Variants in BCAS3 observed in about 807,000 individuals in gnomAD.
The protein encoded by BCAS3 is BCAS3 microtubule associated cell migration factor.
In BCAS3, 53 loss-of-function variants were observed where a neutral mutation model predicts 116.1. The ratio of observed to expected loss-of-function variants is 0.46; its 90% CI spans 0.37 to 0.57. The LOEUF (loss-of-function observed/expected upper bound fraction) is 0.57, where lower values mean the gene tolerates loss of function less well. BCAS3 is among the 20% of genes least tolerant of loss of function. BCAS3 has a pLI of 0.00. For missense variants in BCAS3, 917 were observed against 1,165.4 expected (o/e 0.79, Z 3.10); for synonymous variants, 391 against 408.2 (o/e 0.96, Z 0.51).
rs188572059 is a variant in BCAS3, at chr17:61,051,037, A to G, written c.2029+10145A>G. Among the ~76,000 whole-genome samples the G allele has an allele frequency of 6.6e-6, 1 of 152,226 alleles. No individual in the cohort carries two copies. The highest frequency in any genetic ancestry group is 6.5e-5 in the Admixed American group (1 of 15,296). ...TTTTAAATAGTCCATGGTTCACAGA[A>G]GAAATCTAAAGGGAATTAAGAAATT... On this transcript the variant is annotated intron_variant, in intron 19 of 23. Coordinates refer to ENST00000407086, the MANE Select transcript of BCAS3 (RefSeq NM_017679.5). The surrounding 1 kb of genome is among the most constrained non-coding windows in gnomAD (Gnocchi z 4.1).
rs76762073 is a variant in BCAS3, at chr17:61,064,831, A to G, written c.2030-10089A>G. Reference sequence around the variant, plus strand: ...ACAGGGTCAGGGCACAAGGAAGATCATTGATCCCTATAATATATAATGTAG... The same window carrying G: ...ACAGGGTCAGGGCACAAGGAAGATCGTTGATCCCTATAATATATAATGTAG... On this transcript the variant is annotated intron_variant, in intron 19 of 23. Transcript: ENST00000407086. Among the ~76,000 whole-genome samples, 1,403 of 152,344 alleles carry G rather than the reference A, an allele frequency of 9.2e-3. 28 individuals carry two copies. Among genetic ancestry groups the G allele is most frequent in the African/African-American group, 0.032 (1,340 of 41,570 alleles).
At position 61,313,620 on chromosome 17, in the gene BCAS3, G is replaced by A. The variant is rs1408107102; in HGVS notation, c.2426-54707G>A. 1.3e-5 allele frequency among the ~76,000 whole-genome samples: 2 copies of A among 152,210 alleles called. No homozygotes were observed. The highest frequency in any genetic ancestry group is 4.8e-5 in the African/African-American group (2 of 41,444). On this transcript the variant is annotated intron_variant, in intron 22 of 23. Transcript: ENST00000407086. The surrounding 1 kb of genome is among the most constrained non-coding windows in gnomAD (Gnocchi z 4.3). ...AGGACAGAGCTTGGACTCGGGTCCAGCTCGGCGTCCTCCCTCGGGTCCTGC... is the reference window on the plus strand; with the variant it reads ...AGGACAGAGCTTGGACTCGGGTCCAACTCGGCGTCCTCCCTCGGGTCCTGC...
chr17:60,691,475 AT>A (rs1176862146), intron 4 of BCAS3, among the ~76,000 whole-genome samples: 1 of 151,002 alleles, frequency 6.6e-6, no homozygotes, highest in Non-Finnish European at 1.5e-5. Context: ...TTTGATTTGG[AT>A]TTTCCTGATG....
At chr17:60,799,201 C>A (rs2047478456) in intron 6 of BCAS3, among the ~76,000 whole-genome samples, 1 of 152,146 alleles carries the variant, frequency 6.6e-6, no homozygotes, top group Non-Finnish European at 1.5e-5. Context: ...TAAAGCAATT[C>A]TAGCAAGAAG....
intron 14 of BCAS3, among the ~76,000 whole-genome samples, chr17:60,963,300 T>C (rs1411347019): frequency 2.0e-5 from 3 of 152,144 alleles, no homozygotes; most frequent in Non-Finnish European, 4.4e-5. Context: ...AGGGATTGCA[T>C]TGAATCTGTA....
chr17:60,767,245 T>C (rs1222215606), intron 6 of BCAS3, among the ~76,000 whole-genome samples: 1 of 151,906 alleles, frequency 6.6e-6, no homozygotes, highest in African/African-American at 2.4e-5. Context: ...GGTACCTCAG[T>C]TGGAAATGCA....
Position 61,087,484 on chromosome 17 carries a change from T to G in BCAS3, c.2425+2920T>G, listed in dbSNP as rs892062584. On this transcript the variant is annotated intron_variant, in intron 22 of 23. Coordinates refer to ENST00000407086, the MANE Select transcript of BCAS3 (RefSeq NM_017679.5). The surrounding 1 kb of genome is among the most constrained non-coding windows in gnomAD (Gnocchi z 4.6). Reference sequence around the variant, plus strand: ...TAAATCCTTTGACAATTATAACAGTTTTTAAAGTGAAAATATTTTATTTAA... The same window carrying G: ...TAAATCCTTTGACAATTATAACAGTGTTTAAAGTGAAAATATTTTATTTAA... 3.9e-5 allele frequency: 6 copies of G among 152,516 alleles called. No homozygotes were observed. The highest frequency in any genetic ancestry group is 8.8e-5 in the Non-Finnish European group (6 of 68,282). 9.4% of individuals were successfully genotyped at this position (152,516 alleles called of 1,614,324 possible).
rs2081630264 is a variant in BCAS3, at chr17:61,214,120, C to A, written c.2425+129556C>A. On this transcript the variant is annotated intron_variant, in intron 22 of 23. Coordinates refer to ENST00000407086, the MANE Select transcript of BCAS3 (RefSeq NM_017679.5). This position sits in a 1 kb window ranked among gnomAD's most constrained non-coding sequence, Gnocchi z 4.4. ...TGGTGGCTCACACCTGTAATCCCAG[C>A]ATTTTGGGAGACCTCACAAGGATCA... Among the ~76,000 whole-genome samples, 1 of 152,102 alleles carries A rather than the reference C, an allele frequency of 6.6e-6. No homozygotes were observed. Among genetic ancestry groups the A allele is most frequent in the Non-Finnish European group, 1.5e-5 (1 of 68,030 alleles).
At chr17:60,841,785 A>G (rs2144762937) in intron 7 of BCAS3, among the ~76,000 whole-genome samples, 1 of 152,114 alleles carries the variant, frequency 6.6e-6, no homozygotes. Flanking sequence ...GGGCTTGACT[A>G]GGGGAGATTC....
rs2070241159 is a variant in BCAS3 at position 61,063,152 on chromosome 17, T to C, written c.2030-11768T>C. Among the ~76,000 whole-genome samples, 1 of 152,236 alleles carries C rather than the reference T, an allele frequency of 6.6e-6. No homozygotes were observed. The highest frequency in any genetic ancestry group is 1.5e-5 in the Non-Finnish European group (1 of 68,048). On this transcript the variant is annotated intron_variant, in intron 19 of 23. Transcript: ENST00000407086. The surrounding 1 kb of genome is among the most constrained non-coding windows in gnomAD (Gnocchi z 5.3). ...CCGTGACCTTTGCTCTTGCCCACTT[T>C]TGCTTTGACTGCACCACTTCTGCCT...
rs1261951106 is a variant in BCAS3 at position 61,367,093 on chromosome 17, GC to G, written c.2426-1231del. 6.6e-6 allele frequency among the ~76,000 whole-genome samples: 1 copy of G among 152,244 alleles called. No individual in the cohort carries two copies. The highest frequency in any genetic ancestry group is 1.5e-5 in the Non-Finnish European group (1 of 68,046). On this transcript the variant is annotated intron_variant, in intron 22 of 23. Coordinates refer to ENST00000407086, the MANE Select transcript of BCAS3 (RefSeq NM_017679.5). The surrounding 1 kb of genome is among the most constrained non-coding windows in gnomAD (Gnocchi z 6.2). ...AGGGAGTGTGTGCTGACACTGCCCAGCCCTCACTGCCTGGCGAAGATAGTTT... is the reference window on the plus strand; with the variant it reads ...AGGGAGTGTGTGCTGACACTGCCCAGCCTCACTGCCTGGCGAAGATAGTTT...
rs951133355 is a variant in BCAS3, at chr17:61,203,355, G to A, written c.2425+118791G>A. Among the ~76,000 whole-genome samples, 2 of 151,958 alleles carry A rather than the reference G, an allele frequency of 1.3e-5. No homozygotes were observed. The highest frequency in any genetic ancestry group is 2.9e-5 in the Non-Finnish European group (2 of 67,976). The stretch of plus-strand genomic sequence containing the variant: ...GTATTATTAGTAGAAACAGGGTTTC[G>A]CCATGTTGGTCAGGCTGGTTTCAAA... On this transcript the variant is annotated intron_variant, in intron 22 of 23. Coordinates refer to ENST00000407086, the MANE Select transcript of BCAS3 (RefSeq NM_017679.5). This position sits in a 1 kb window ranked among gnomAD's most constrained non-coding sequence, Gnocchi z 5.7.
rs1033629596 is a variant in BCAS3, at chr17:61,278,967, T to A, written c.2426-89360T>A. On this transcript the variant is annotated intron_variant, in intron 22 of 23. Transcript: ENST00000407086. The surrounding 1 kb of genome is among the most constrained non-coding windows in gnomAD (Gnocchi z 5.8). ...AATTATGTACTTTTTTTTTTTTTTT[T>A]AAAGATGGAGTCTTGCTTTGTCACC... Among the ~76,000 whole-genome samples, 18 of 151,434 alleles carry A rather than the reference T, an allele frequency of 1.2e-4. No individual in the cohort carries two copies. The highest frequency in any genetic ancestry group is 2.1e-4 in the Non-Finnish European group (14 of 67,838).
Position 61,034,810 on chromosome 17 carries a change from A to G in BCAS3, c.1762+20A>G, listed in dbSNP as rs1047385276. 2 of 1,580,486 alleles carry G rather than the reference A, an allele frequency of 1.3e-6. No homozygotes were observed. ...AAAAAGGTATGTATTTTTACTGAAA[A>G]ATGAATGCTCTATTTGTAATTTTTG... On this transcript the variant is annotated intron_variant, in intron 17 of 23. Transcript: ENST00000407086. This position sits in a 1 kb window ranked among gnomAD's most constrained non-coding sequence, Gnocchi z 5.0.
intron 10 of BCAS3, among the ~76,000 whole-genome samples, chr17:60,902,038 A>G (rs1650303016): frequency 6.6e-6 from 1 of 152,230 alleles, no homozygotes; most frequent in South Asian, 2.1e-4. Flanking sequence ...TCAGTCACAA[A>G]TAAGGATATG....
chr17:61,102,853 T>G (rs1038423844), intron 22 of BCAS3, among the ~76,000 whole-genome samples: 1 of 152,140 alleles, frequency 6.6e-6, no homozygotes, highest in Non-Finnish European at 1.5e-5. Context: ...GTCACCACCT[T>G]ACCTTCTTTC....
At chr17:60,688,426 G>C (rs1373687470) in intron 3 of BCAS3, among the ~76,000 whole-genome samples, 1 of 151,772 alleles carries the variant, frequency 6.6e-6, no homozygotes, top group Non-Finnish European at 1.5e-5. Flanking sequence ...CAGCCTCCCT[G>C]GTAGCTGGGA....
Position 61,008,320 on chromosome 17 carries a change from G to GGA in BCAS3, c.1487-7422_1487-7421dup, listed in dbSNP as rs1277899892. Among the ~76,000 whole-genome samples, 2 of 152,000 alleles carry GGA rather than the reference G, an allele frequency of 1.3e-5. No individual in the cohort carries two copies. The highest frequency in any genetic ancestry group is 3.9e-4 in the East Asian group (2 of 5,186). On this transcript the variant is annotated intron_variant, in intron 15 of 23. Transcript: ENST00000407086. This position sits in a 1 kb window ranked among gnomAD's most constrained non-coding sequence, Gnocchi z 4.6. Reference sequence around the variant, plus strand: ...CTAGGAAAGGGGAGAAGAGAGAGATGGAGAGAGAGACACACACTCCCATCC... The same window carrying GGA: ...CTAGGAAAGGGGAGAAGAGAGAGATGGAGAGAGAGAGACACACACTCCCATCC...
intron 7 of BCAS3, among the ~76,000 whole-genome samples, chr17:60,852,352 C>A (rs2053251072): frequency 6.6e-6 from 1 of 152,092 alleles, no homozygotes; most frequent in Non-Finnish European, 1.5e-5. Context: ...TTCCTAATAA[C>A]TTTGTTACTG....
Sources: gnomAD v4.1 joint callset for allele counts (sites outside exome capture counted in the v4.1 genomes callset) on GRCh38, gnomAD v4.1.1 for gene constraint, Gnocchi (gnomAD v3.1) non-coding constraint, MANE v1.5 for transcripts, NCBI Gene and HGNC (gene_info 2026-07-23, HGNC 2026-07-21) for gene names.